Variants in MYO5A observed in about 807,000 individuals in gnomAD.
MYO5A encodes the protein myosin VA.
A neutral mutation model predicts 249.7 loss-of-function variants in MYO5A; 98 were observed. That is an observed-to-expected ratio of 0.39 (90% CI 0.33 to 0.46). The LOEUF is 0.46. Among genes scored for constraint, MYO5A ranks in the 20% least tolerant of loss-of-function variants. The pLI, the probability that MYO5A is intolerant of heterozygous loss-of-function variation, is 0.98. For synonymous variants in MYO5A, 778 were observed against 810.6 expected (o/e 0.96, Z 0.68); for missense variants, 1,696 against 2,308.8 (o/e 0.73, Z 5.44).
intron 1 of MYO5A, among the ~76,000 whole-genome samples, chr15:52,474,586 T>A (rs2076549869): frequency 6.6e-6 from 1 of 151,942 alleles, no homozygotes; most frequent in Non-Finnish European, 1.5e-5. Context: ...TTATTGAGGG[T>A]TTTTAGCATG....
At chr15:52,401,442 T>C (rs1189497072) in intron 9 of MYO5A, among the ~76,000 whole-genome samples, 1 of 152,218 alleles carries the variant, frequency 6.6e-6, no homozygotes, top group Non-Finnish European at 1.5e-5. Context: ...TAACGGGATA[T>C]ATAATTCTAA....
intron 9 of MYO5A, among the ~76,000 whole-genome samples, chr15:52,402,149 C>T (rs1300751428): frequency 1.3e-5 from 2 of 152,212 alleles, no homozygotes; most frequent in Non-Finnish European, 2.9e-5. Flanking sequence ...AGGCCACTAC[C>T]AGCCCAGGAT....
intron 3 of MYO5A, among the ~76,000 whole-genome samples, chr15:52,426,837 TG>T: frequency 6.6e-6 from 1 of 152,274 alleles, no homozygotes; most frequent in East Asian, 1.9e-4. Flanking sequence ...ATTAACTTAA[TG>T]AAGTCGTCCA....
intron 9 of MYO5A, among the ~76,000 whole-genome samples, chr15:52,405,042 C>T (rs2042937577): frequency 1.0e-5 from 1 of 96,204 alleles, no homozygotes; most frequent in African/African-American, 3.6e-5. Flanking sequence ...CTCTTTCTCT[C>T]TCTCTCTGTC....
intron 1 of MYO5A, among the ~76,000 whole-genome samples, chr15:52,466,295 T>G (rs1186269196): frequency 6.6e-6 from 1 of 151,962 alleles, no homozygotes; most frequent in East Asian, 1.9e-4. Context: ...TGGGAGGGGC[T>G]CCCACAGCCA....
chr15:52,441,123 T>C (rs2075776370), intron 1 of MYO5A, among the ~76,000 whole-genome samples: 1 of 152,210 alleles, frequency 6.6e-6, no homozygotes, highest in Admixed American at 6.5e-5. Flanking sequence ...AAGTAATTCA[T>C]ATAGTCTTTA....
intron 5 of MYO5A, among the ~76,000 whole-genome samples, chr15:52,414,026 G>T (rs1595630364): frequency 1.3e-5 from 2 of 152,244 alleles, no homozygotes; most frequent in African/African-American, 4.8e-5. Context: ...TGGGAGGTGG[G>T]GTCTAGTAGG....
chr15:52,336,339 C>A, intron 34 of MYO5A, 124 bp downstream of exon 34: 1 of 674,112 alleles, frequency 1.5e-6, no homozygotes, highest in Non-Finnish European at 2.6e-6. Flanking sequence ...TGCCAAAAGT[C>A]ATATTTTGTT....
Position 52,348,806 on chromosome 15 carries a change from A to AT in MYO5A, c.3858+11_3858+12insA. ...AGAAGTATTTACTAAAAAAAAAAAA[A>AT]GGTATAATTACCTTGTCATCCTGAG... On this transcript the variant is annotated intron_variant, in intron 29 of 41. Transcript: ENST00000399233. The AT allele has an allele frequency of 6.4e-7, 1 of 1,564,458 alleles. No individual in the cohort carries two copies.
At chr15:52,368,187 A>G (rs2040909431) in intron 22 of MYO5A, among the ~76,000 whole-genome samples, 1 of 152,216 alleles carries the variant, frequency 6.6e-6, no homozygotes, top group South Asian at 2.1e-4. Flanking sequence ...TCCAGGGAGC[A>G]GGAAAGTTGG....
In MYO5A at chr15:52,399,443, T is replaced by A. The variant is rs137876726; in HGVS notation, c.1054-1977A>T. ...CTCCTAGGATTACAGGCACACACCA[T>A]GCACAGTGAATAAAATCTTTATCAT... On this transcript the variant is annotated intron_variant, in intron 9 of 41. Coordinates refer to ENST00000399233, the MANE Select transcript of MYO5A (RefSeq NM_001382347.1). Among the ~76,000 whole-genome samples, 68 of 152,278 alleles carry A rather than the reference T, an allele frequency of 4.5e-4. 1 individual carries two copies. The East Asian group carries it at 7.1e-3, about 16-fold the overall frequency.
chr15:52,356,330 C>A (rs2040215495), intron 25 of MYO5A, among the ~76,000 whole-genome samples: 1 of 152,040 alleles, frequency 6.6e-6, no homozygotes, highest in East Asian at 1.9e-4. Context: ...AAGAAAAGTT[C>A]AAAGAAGAAA....
intron 1 of MYO5A, among the ~76,000 whole-genome samples, chr15:52,441,792 T>C (rs998255291): frequency 1.3e-5 from 2 of 152,218 alleles, no homozygotes; most frequent in African/African-American, 4.8e-5. Flanking sequence ...TTTGGGTGCC[T>C]ATCTTTAAAG....
chr15:52,360,970 G>A (rs2040491580), intron 24 of MYO5A, among the ~76,000 whole-genome samples: 1 of 152,118 alleles, frequency 6.6e-6, no homozygotes, highest in Admixed American at 6.5e-5. Flanking sequence ...AGTTTTCTTT[G>A]TACCTTTCCC....
chr15:52,528,880 T>G lies in MYO5A; in HGVS notation c.-74A>C, dbSNP rs2077774448. The G allele has an allele frequency of 1.5e-6, 2 of 1,342,582 alleles. No individual in the cohort carries two copies. Among genetic ancestry groups the G allele is most frequent in the Admixed American group, 7.4e-5 (2 of 26,870 alleles). The allele number at this position is 1,342,582 out of a possible 1,614,324, so 83.2% of individuals were successfully genotyped here. The stretch of plus-strand genomic sequence containing the variant: ...CGCCTGGGCGGCCGCCCGAGCGGAC[T>G]AGGAAGCGCCCGCAGCCGCCGGCAG... On this transcript the variant is annotated 5_prime_UTR_variant, in exon 1 of 42. Coordinates refer to ENST00000399233, the MANE Select transcript of MYO5A (RefSeq NM_001382347.1).
intron 1 of MYO5A, among the ~76,000 whole-genome samples, chr15:52,515,636 G>T (rs1402206193): frequency 1.3e-5 from 2 of 152,180 alleles, no homozygotes; most frequent in African/African-American, 4.8e-5. Flanking sequence ...AATCAGGTAG[G>T]GTAGTATGAA....
chr15:52,501,552 T>C (rs1305776250), intron 1 of MYO5A, among the ~76,000 whole-genome samples: 1 of 152,060 alleles, frequency 6.6e-6, no homozygotes, highest in African/African-American at 2.4e-5. Flanking sequence ...TGAGGTATGA[T>C]TGTGCCACTG....
At chr15:52,373,202 C>T (rs753296923) in intron 20 of MYO5A, among the ~76,000 whole-genome samples, 3 of 152,034 alleles carry the variant, frequency 2.0e-5, no homozygotes, top group Admixed American at 6.6e-5. Context: ...AACTTATAAA[C>T]AAACAAAAGT....
In MYO5A at chr15:52,325,575, T is replaced by C. The variant is rs529597384; in HGVS notation, c.4711-2131A>G. 2.0e-4 allele frequency among the ~76,000 whole-genome samples: 30 copies of C among 152,076 alleles called. 2 individuals carry two copies. In the South Asian group the frequency reaches 6.2e-3, roughly 32 times the overall value. ...TGCCACCATGCTTGGCTAATTTTTT[T>C]ATGTTTTATAGAGACAGGGTCTCGC... On this transcript the variant is annotated intron_variant, in intron 36 of 41. Transcript: ENST00000399233.
Sources: gnomAD v4.1 joint callset for allele counts (sites outside exome capture counted in the v4.1 genomes callset) on GRCh38, gnomAD v4.1.1 for gene constraint, MANE v1.5 for transcripts, NCBI Gene and HGNC (gene_info 2026-07-23, HGNC 2026-07-21) for gene names.